Variants in MANSC1 observed in about 807,000 individuals in gnomAD.
MANSC1 encodes MANSC domain-containing protein 1.
MANSC1 carries 13 observed loss-of-function variants against 14.1 expected under a neutral mutation model. That is an observed-to-expected ratio of 0.92 (90% confidence interval 0.60 to 1.46). The LOEUF is 1.46. MANSC1 is among the 40% of genes most tolerant of loss of function. MANSC1 has a pLI of 0.00. For missense variants in MANSC1, 486 were observed against 511.4 expected (o/e 0.95, Z 0.48); for synonymous variants, 227 against 200.7 (o/e 1.13, Z -1.11).
At chr12:12,344,922 T>C (rs1862987766) in intron 1 of MANSC1, among the ~76,000 whole-genome samples, 3 of 26,348 alleles carry the variant, frequency 1.1e-4, no homozygotes, top group African/African-American at 1.8e-4. Context: ...CTCCCATATA[T>C]ATATATATAT....
At chr12:12,348,675 T>C (rs1863038372) in intron 1 of MANSC1, among the ~76,000 whole-genome samples, 1 of 149,704 alleles carries the variant, frequency 6.7e-6, no homozygotes, top group South Asian at 2.1e-4. Context: ...AGAGTGAACA[T>C]TATGTGAACT....
Position 12,328,068 on chromosome 12 carries a change from G to A in MANSC1, c.*1959C>T, listed in dbSNP as rs960930279. The stretch of plus-strand genomic sequence containing the variant: ...TTAAAAACTCTGGTGACACTTGGAA[G>A]GGATCAAATTTCCTGTTTTGCAGAT... On this transcript the variant is annotated 3_prime_UTR_variant, in exon 4 of 4. Coordinates refer to ENST00000535902, the MANE Select transcript of MANSC1 (RefSeq NM_018050.4). 1.3e-5 allele frequency: 2 copies of A among 152,184 alleles called. No homozygotes were observed. The highest frequency in any genetic ancestry group is 2.4e-5 in the African/African-American group (1 of 41,458). 9.4% of individuals were successfully genotyped at this position (152,184 alleles called of 1,614,324 possible).
intron 1 of MANSC1, among the ~76,000 whole-genome samples, chr12:12,344,963 ATATATT>A (rs1862990850): frequency 2.0e-5 from 2 of 98,828 alleles, no homozygotes; most frequent in African/African-American, 7.9e-5. Flanking sequence ...ATATATATAT[ATATATT>A]ACACTAGTTC....
At position 12,343,301 on chromosome 12, in the gene MANSC1, C is replaced by A; in HGVS notation, c.14G>T (p.Gly5Val). 1 of 1,613,212 alleles carries A rather than the reference C, an allele frequency of 6.2e-7. No homozygotes were observed. Among genetic ancestry groups the A allele is most frequent in the South Asian group, 1.1e-5 (1 of 91,046 alleles). MFFG[G>V]EGSLTYTLVI... ...CAAAGTGTAAGTCAAGCTCCCTTCT[C>A]CCCCGAAGAACATTTTAAATTTCAG... The change falls in exon 2 of 4, where the codon GGA (glycine) becomes GTA (valine). Residue 5 changes from glycine to valine, a missense_variant. Physicochemically the swap from Gly to Val is moderately radical, Grantham distance 109. Coordinates refer to ENST00000535902, the MANE Select transcript of MANSC1 (RefSeq NM_018050.4).
At chr12:12,336,386 C>T (rs1862859554) in intron 3 of MANSC1, among the ~76,000 whole-genome samples, 1 of 152,196 alleles carries the variant, frequency 6.6e-6, no homozygotes, top group African/African-American at 2.4e-5. Context: ...GGGGTTACAA[C>T]TTTACTTACT....
At position 12,330,599 on chromosome 12, in the gene MANSC1, G is replaced by C. The variant is rs1380385459; in HGVS notation, c.724C>G (p.Pro242Ala). Residue 242 changes from proline (P) to alanine (A), a missense_variant, in exon 4 of 4, where the codon CCA (proline) becomes GCA (alanine). Transcript: ENST00000535902. The part of the protein sequence containing the change: ...VASPHTTSAT[P>A]KPATLLPTNA... ...GTGGGTAGAAGGGTGGCGGGCTTTG[G>C]AGTAGCCGAGGTGGTATGTGGAGAA... 1.9e-6 allele frequency: 3 copies of C among 1,614,094 alleles called. No homozygotes were observed. Among genetic ancestry groups the C allele is most frequent in the Admixed American group, 1.7e-5 (1 of 59,988 alleles).
rs539660117 is a variant in MANSC1, at chr12:12,349,056, T to C, written c.-101+1022A>G. ...ATATTTTGAAACGTGCAACAAGTCA[T>C]GTGATATAAAGATATCGGCAATATT... is the stretch of plus-strand genomic sequence containing the variant. On this transcript the variant is annotated intron_variant, in intron 1 of 3. Transcript: ENST00000535902. Among the ~76,000 whole-genome samples the C allele has an allele frequency of 5.9e-5, 9 of 152,334 alleles. No homozygotes were observed. The South Asian group carries it at 1.9e-3, about 32-fold the overall frequency.
chr12:12,343,985 T>C (rs1029961365), intron 1 of MANSC1, among the ~76,000 whole-genome samples: 2 of 151,890 alleles, frequency 1.3e-5, no homozygotes, highest in Non-Finnish European at 2.9e-5. Context: ...TGGTGGCGCA[T>C]GCCTGTGGTC....
chr12:12,349,924 C>G (rs1050034114), intron 1 of MANSC1, among the ~76,000 whole-genome samples, 154 bp downstream of exon 1: 26 of 152,230 alleles, frequency 1.7e-4, no homozygotes, highest in Admixed American at 1.6e-3. Flanking sequence ...ACTCAAGGAT[C>G]CTGGTCAGCC....
At chr12:12,338,917 A>ACACACACAC (rs749773741) in intron 2 of MANSC1, 2 of 241,324 alleles carry the variant, frequency 8.3e-6, no homozygotes, top group Non-Finnish European at 8.1e-6. Flanking sequence ...ACACACACAC[A>ACACACACAC]CCCCTAAGAC....
chr12:12,344,969 T>G lies in MANSC1; in HGVS notation c.-100-1555A>C, dbSNP rs1336436421. 3.2e-3 allele frequency among the ~76,000 whole-genome samples: 178 copies of G among 55,196 alleles called. 7 individuals carry two copies. Among genetic ancestry groups the G allele is most frequent in the African/African-American group, 0.011 (173 of 16,340 alleles). 36.2% of individuals were successfully genotyped at this position (55,196 alleles called of 152,430 possible). A position where few individuals can be genotyped will look rare whatever the true frequency, so the allele number is the denominator to read the frequency against. On this transcript the variant is annotated intron_variant, in intron 1 of 3. Transcript: ENST00000535902. Reference sequence around the variant, plus strand: ...TATATATATATATATATATATATATTACACTAGTTCTGTCCTTCTAGAGAA... The same window carrying G: ...TATATATATATATATATATATATATGACACTAGTTCTGTCCTTCTAGAGAA...
Position 12,330,009 on chromosome 12 carries a change from A to G in MANSC1, c.*18T>C, listed in dbSNP as rs1862759303. Reference sequence around the variant, plus strand: ...GCTTCTGGTTACTAAATGAATTAAGAGACACCGAGTTCCATCCTTAGATGT... The same window carrying G: ...GCTTCTGGTTACTAAATGAATTAAGGGACACCGAGTTCCATCCTTAGATGT... On this transcript the variant is annotated 3_prime_UTR_variant, in exon 4 of 4. Coordinates refer to ENST00000535902, the MANE Select transcript of MANSC1 (RefSeq NM_018050.4). 1.9e-6 allele frequency: 3 copies of G among 1,599,730 alleles called. No homozygotes were observed. Among genetic ancestry groups the G allele is most frequent in the Non-Finnish European group, 2.6e-6 (3 of 1,171,104 alleles).
chr12:12,345,181 G>T (rs1325062469), intron 1 of MANSC1, among the ~76,000 whole-genome samples: 1 of 150,190 alleles, frequency 6.7e-6, no homozygotes, highest in Admixed American at 6.7e-5. Flanking sequence ...TTAGTTGGGT[G>T]TGATGGCGGG....
chr12:12,335,738 A>G (rs1565796957), intron 3 of MANSC1, among the ~76,000 whole-genome samples: 1 of 151,294 alleles, frequency 6.6e-6, no homozygotes, highest in Non-Finnish European at 1.5e-5. Flanking sequence ...GCTACTCAGG[A>G]GGCTGAGGCA....
rs2135986328 is a variant in MANSC1, at chr12:12,329,485, C to T, written c.*542G>A. On this transcript the variant is annotated 3_prime_UTR_variant, in exon 4 of 4. Coordinates refer to ENST00000535902, the MANE Select transcript of MANSC1 (RefSeq NM_018050.4). ...TTTTGAAATTTATATGGCAATTATACTTTATTACTTTACATAGAGCTTTGT... is the reference window on the plus strand; with the variant it reads ...TTTTGAAATTTATATGGCAATTATATTTTATTACTTTACATAGAGCTTTGT... 1 of 152,472 alleles carries T rather than the reference C, an allele frequency of 6.6e-6. No individual in the cohort carries two copies. The highest frequency in any genetic ancestry group is 1.5e-5 in the Non-Finnish European group (1 of 68,166). 9.4% of individuals were successfully genotyped at this position (152,472 alleles called of 1,614,324 possible).
chr12:12,330,068 T>C lies in MANSC1; in HGVS notation c.1255A>G (p.Arg419Gly). Residue 419 changes from arginine to glycine, a missense_variant, in exon 4 of 4, where the codon AGA (arginine) becomes GGA (glycine). By Grantham distance (125) the Arg-to-Gly change is moderately radical (BLOSUM62 -2). Transcript: ENST00000535902. The stretch of plus-strand genomic sequence containing the variant: ...ATCCCATTGATCAAATAATCCAGTC[T>C]TGAGTAACGTTTCCTGCGGAGTGAT... ...SESLRRKRYS[R>G]LDYLINGIYV... 1.9e-6 allele frequency: 3 copies of C among 1,614,146 alleles called. No homozygotes were observed. The highest frequency in any genetic ancestry group is 2.2e-5 in the East Asian group (1 of 44,884).
At chr12:12,338,890 A>ACACACACACACACAC (rs1555141160) in intron 2 of MANSC1, 40 of 193,004 alleles carry the variant, frequency 2.1e-4, no homozygotes, top group Non-Finnish European at 3.0e-4. Flanking sequence ...CACACACACA[A>ACACACACACACACAC]ACACACACAC....
chr12:12,338,877 C>CCACACACAAACACACACACACA, intron 2 of MANSC1: 1 of 264,240 alleles, frequency 3.8e-6, no homozygotes, highest in Non-Finnish European at 6.9e-6. Context: ...GCATCCACAA[C>CCACACACAAACACACACACACA]CACACACACA....
chr12:12,344,805 C>T (rs1286994124), intron 1 of MANSC1, among the ~76,000 whole-genome samples: 1 of 149,040 alleles, frequency 6.7e-6, no homozygotes, highest in African/African-American at 2.5e-5. Flanking sequence ...TGCTTCCTGC[C>T]TTCAAACATC....
Sources: allele counts gnomAD v4.1 joint callset (sites outside exome capture counted in the v4.1 genomes callset), GRCh38; gene constraint gnomAD v4.1.1; transcripts MANE v1.5; gene names NCBI Gene and HGNC (gene_info 2026-07-23, HGNC 2026-07-21).